Variants in NKAIN4 observed in about 807,000 individuals in gnomAD.
NKAIN4 encodes sodium/potassium transporting ATPase interacting 4.
Under a neutral mutation model 28.8 loss-of-function variants are expected in NKAIN4, and 28 were observed. The observed-to-expected ratio is 0.97, with a 90% CI of 0.72 to 1.33. The LOEUF (loss-of-function observed/expected upper bound fraction) is 1.33. Among genes scored for constraint, NKAIN4 ranks in the 40% most tolerant of loss-of-function variants. The probability of loss-of-function intolerance (pLI) is 0.00; values close to 1 mark genes in which losing one functional copy is unlikely to be tolerated. For missense variants in NKAIN4, 289 were observed against 277.2 expected (o/e 1.04, Z -0.30); for synonymous variants, 122 against 115.6 (o/e 1.06, Z -0.36).
intron 4 of NKAIN4, among the ~76,000 whole-genome samples, chr20:63,246,013 T>C (rs1003059175): frequency 4.4e-4 from 67 of 151,874 alleles, no homozygotes; most frequent in Admixed American, 7.9e-4. Context: ...CTGCAAGCTC[T>C]GCCTCCCGGG....
rs962707865 is a variant in NKAIN4, at chr20:63,245,994, C to G, written c.471+1584G>C. Among the ~76,000 whole-genome samples, 1 of 151,110 alleles carries G rather than the reference C, an allele frequency of 6.6e-6. No individual in the cohort carries two copies. The highest frequency in any genetic ancestry group is 2.4e-5 in the African/African-American group (1 of 40,960). ...CCAGGCTGGAGTGCAGTGGCGTGAT[C>G]TCTGCTCACTGCAAGCTCTGCCTCC... On this transcript the variant is annotated intron_variant, in intron 4 of 6. Transcript: ENST00000370316. This position sits in a 1 kb window ranked among gnomAD's most constrained non-coding sequence, Gnocchi z 4.7.
At chr20:63,244,147 G>A in intron 4 of NKAIN4, 63 bp from the exon 5 acceptor site, 5 of 1,460,784 alleles carry the variant, frequency 3.4e-6, no homozygotes, top group Non-Finnish European at 4.7e-6. Flanking sequence ...TGTCATTGAG[G>A]CGATGTGGGC....
Position 63,244,083 on chromosome 20 carries a change from A to G in NKAIN4, c.473T>C (p.Leu158Pro). Residue 158 changes from leucine (L) to proline (P), a missense_variant and splice_region_variant, in exon 5 of 7, where the codon CTT becomes CCT. Transcript: ENST00000370316. Reference protein sequence around the residue: ...LHSCLQILIALLGFVCGCQVV... With the variant: ...LHSCLQILIAPLGFVCGCQVV... Reference sequence around the variant, plus strand: ...CTGGCAGCCACAGACAAAGCCCAGAAGCTGAAAGACACCACAGGCAGGGGC... The same window carrying G: ...CTGGCAGCCACAGACAAAGCCCAGAGGCTGAAAGACACCACAGGCAGGGGC... The G allele has an allele frequency of 6.2e-7, 1 of 1,613,546 alleles. No individual in the cohort carries two copies. Among genetic ancestry groups the G allele is most frequent in the Non-Finnish European group, 8.5e-7 (1 of 1,179,750 alleles).
chr20:63,246,084 C>T (rs932588793), intron 4 of NKAIN4, among the ~76,000 whole-genome samples: 10 of 152,282 alleles, frequency 6.6e-5, no homozygotes, highest in Middle Eastern at 3.4e-3. Context: ...CCCGCCACCA[C>T]GCCCGGCTAA....
rs2067015646 is a variant in NKAIN4 at position 63,254,414 on chromosome 20, G to A, written c.37C>T (p.Leu13Phe). 3.5e-6 allele frequency: 5 copies of A among 1,447,032 alleles called. No homozygotes were observed. Among genetic ancestry groups the A allele is most frequent in the African/African-American group, 1.5e-5 (1 of 67,802 alleles). 89.6% of individuals were successfully genotyped at this position (1,447,032 alleles called of 1,614,324 possible). ...CCACTCACCAGCTGAAAAGCGCAGA[G>A]GACGACGAGCGCGCAGCGGCCGGAG... ...SCSGRCALVVLCAFQLVAALE... is the reference protein window; with the variant it reads ...SCSGRCALVVFCAFQLVAALE... The change falls in exon 1 of 7, where the codon CTC becomes TTC. Residue 13 changes from leucine (L) to phenylalanine (F), a missense_variant. By Grantham distance (22) the Leu-to-Phe change is conservative. Transcript: ENST00000370316.
intron 1 of NKAIN4, chr20:63,254,075 T>C: frequency 2.8e-6 from 1 of 353,436 alleles, no homozygotes; most frequent in Non-Finnish European, 5.4e-6. Context: ...CCCCAGGCGA[T>C]GGGGTCCAGG....
At chr20:63,241,567 G>A (rs879372468) in intron 6 of NKAIN4, 61 bp from the exon 7 acceptor site, 3 of 1,450,436 alleles carry the variant, frequency 2.1e-6, no homozygotes, top group Non-Finnish European at 2.8e-6. Context: ...ACTGGGGGCT[G>A]CCACCCCCTC....
intron 4 of NKAIN4, among the ~76,000 whole-genome samples, chr20:63,244,949 AC>A (rs1307481764): frequency 6.6e-6 from 1 of 152,124 alleles, no homozygotes; most frequent in Non-Finnish European, 1.5e-5. Flanking sequence ...CAGCCGGGTG[AC>A]CCCAAAAATT....
chr20:63,246,651 C>T (rs1440616539), intron 4 of NKAIN4: 9 of 985,258 alleles, frequency 9.1e-6, no homozygotes, highest in Non-Finnish European at 1.1e-5. Flanking sequence ...TCGACACCAC[C>T]GTGCGCACCA....
chr20:63,251,427 A>G (rs2066956863), intron 1 of NKAIN4, among the ~76,000 whole-genome samples: 1 of 151,948 alleles, frequency 6.6e-6, no homozygotes, highest in African/African-American at 2.4e-5. Flanking sequence ...TCCCCCGGGG[A>G]AAGGGAGACT....
intron 1 of NKAIN4, 47 bp from the exon 2 acceptor site, chr20:63,250,119 C>G (rs2066931294): frequency 2.0e-6 from 3 of 1,518,486 alleles, no homozygotes; most frequent in Non-Finnish European, 8.8e-7. Context: ...AGGGAGGCCC[C>G]AGGCCCGCCA....
chr20:63,249,831 G>T, intron 2 of NKAIN4, 104 bp downstream of exon 2: 1 of 1,259,432 alleles, frequency 7.9e-7, no homozygotes. Context: ...TTTGTGGGGT[G>T]TTCAGTGGTG....
rs1184526069 is a variant in NKAIN4, at chr20:63,249,154, C to T, written c.193-259G>A. On this transcript the variant is annotated intron_variant, in intron 2 of 6. Coordinates refer to ENST00000370316, the MANE Select transcript of NKAIN4 (RefSeq NM_152864.4). ...AGCTCAAGGGAGCCCCAGCGCAGGT[C>T]GGCGTACGGACACAGCATCCCTGGC... 2.0e-5 allele frequency: 10 copies of T among 500,410 alleles called. No homozygotes were observed. The Admixed American group carries it at 2.6e-4, about 13-fold the overall frequency. The allele number at this position is 500,410 out of a possible 1,614,324, so 31.0% of individuals were successfully genotyped here.
chr20:63,247,472 C>T, intron 4 of NKAIN4, 106 bp downstream of exon 4: 1 of 1,547,804 alleles, frequency 6.5e-7, no homozygotes, highest in Non-Finnish European at 8.7e-7. Flanking sequence ...AGAGACACGC[C>T]TGAGGCCAGG....
At chr20:63,253,522 A>G (rs2066997449) in intron 1 of NKAIN4, 3 of 985,498 alleles carry the variant, frequency 3.0e-6, no homozygotes, top group Non-Finnish European at 3.6e-6. Flanking sequence ...CGCGCGGTCC[A>G]GCTGCGCTCC....
Position 63,248,814 on chromosome 20 carries a change from C to T in NKAIN4, c.273+1G>A. ...CGCGCTGCCTCCCAGTCTGCACTCA[C>T]CTTTAAGAGGCCACCGACTTCCAGG... On this transcript the variant is annotated splice_donor_variant, in intron 3 of 6. Coordinates refer to ENST00000370316, the MANE Select transcript of NKAIN4 (RefSeq NM_152864.4). LOFTEE classifies it high-confidence loss of function. 3 of 1,609,346 alleles carry T rather than the reference C, an allele frequency of 1.9e-6. No individual in the cohort carries two copies. Among genetic ancestry groups the T allele is most frequent in the Non-Finnish European group, 1.7e-6 (2 of 1,176,982 alleles).
chr20:63,242,813 G>T (rs1601271357), intron 5 of NKAIN4, among the ~76,000 whole-genome samples, 190 bp from the exon 6 acceptor site: 1 of 148,946 alleles, frequency 6.7e-6, no homozygotes. Flanking sequence ...CCGGGTCCTC[G>T]GCCTGTGCGG....
intron 4 of NKAIN4, among the ~76,000 whole-genome samples, chr20:63,246,217 C>T (rs1449243767): frequency 6.6e-6 from 1 of 152,178 alleles, no homozygotes; most frequent in African/African-American, 2.4e-5. Flanking sequence ...TGTGAGCCAC[C>T]GCACCCAGCC....
At position 63,241,518 on chromosome 20, in the gene NKAIN4, A is replaced by G; in HGVS notation, c.618-12T>C. 6.5e-7 allele frequency: 1 copy of G among 1,549,684 alleles called. No individual in the cohort carries two copies. The stretch of plus-strand genomic sequence containing the variant: ...TCACTTACGCAGGCCTGTGGGGACA[A>G]GGTCAGAGAGCACCTGGGGGAACAG... On this transcript the variant is annotated splice_polypyrimidine_tract_variant and intron_variant, in intron 6 of 6. Coordinates refer to ENST00000370316, the MANE Select transcript of NKAIN4 (RefSeq NM_152864.4).
Sources: gnomAD v4.1 joint callset for allele counts (sites outside exome capture counted in the v4.1 genomes callset) on GRCh38, gnomAD v4.1.1 for gene constraint, Gnocchi (gnomAD v3.1) non-coding constraint, MANE v1.5 for transcripts, NCBI Gene and HGNC (gene_info 2026-07-23, HGNC 2026-07-21) for gene names.